The following DNAH8 variants were observed in gnomAD, a reference collection of about 807,000 sequenced individuals.
The protein encoded by DNAH8 is axonemal beta dynein heavy chain 8.
In DNAH8, 382 loss-of-function variants were observed where a neutral mutation model predicts 562.1. The ratio of observed to expected loss-of-function variants is 0.68; its 90% CI spans 0.63 to 0.74. The LOEUF (loss-of-function observed/expected upper bound fraction) is 0.74. Ranked by LOEUF, DNAH8 falls within the 30% of genes least tolerant of loss-of-function variation. The pLI is 0.00. For missense variants in DNAH8, 5,203 were observed against 5,620.4 expected (o/e 0.93, Z 2.37); for synonymous variants, 1,881 against 1,919.4 (o/e 0.98, Z 0.52).
At chr6:38,727,026 T>C (rs1327183705) in intron 3 of DNAH8, among the ~76,000 whole-genome samples, 1 of 151,660 alleles carries the variant, frequency 6.6e-6, no homozygotes, top group East Asian at 1.9e-4. Flanking sequence ...CCCGGCTAAT[T>C]TTTGTATTTT....
intron 81 of DNAH8, among the ~76,000 whole-genome samples, chr6:38,949,855 G>A (rs966751087): frequency 2.6e-5 from 4 of 152,128 alleles, no homozygotes; most frequent in Admixed American, 6.5e-5. Context: ...AGCAAAAAGC[G>A]TGAAAAATAT....
chr6:39,010,128 C>G (rs1766091190), intron 89 of DNAH8, among the ~76,000 whole-genome samples: 1 of 121,458 alleles, frequency 8.2e-6, no homozygotes, highest in African/African-American at 3.4e-5. Flanking sequence ...GACCTTTGTT[C>G]TGGTGATTAT....
intron 29 of DNAH8, 75 bp downstream of exon 29, chr6:38,826,466 T>A: frequency 1.1e-6 from 1 of 913,800 alleles, no homozygotes; most frequent in East Asian, 2.4e-5. Context: ...ACTAAGAAAG[T>A]GATTCTTTAA....
At position 38,741,803 on chromosome 6, in the gene DNAH8, C is replaced by A; in HGVS notation, c.1209C>A (p.Phe403Leu). ...LEHWKRMSAK[F>L]NYIIEQIKGP... ...ACTGGAAACGCATGTCAGCCAAGTT[C>A]AACTATATCATTGAGCAGATTAAAG... The change falls in exon 8 of 93, where the codon TTC becomes TTA. Residue 403 changes from phenylalanine to leucine, a missense_variant. Physicochemically the swap from Phe to Leu is conservative, Grantham distance 22 (BLOSUM62 0). Coordinates refer to ENST00000327475, the MANE Select transcript of DNAH8 (RefSeq NM_001206927.2). 1.2e-6 allele frequency: 2 copies of A among 1,614,050 alleles called. No individual in the cohort carries two copies. The highest frequency in any genetic ancestry group is 1.7e-6 in the Non-Finnish European group (2 of 1,179,988).
At chr6:38,944,796 T>G (rs148333447) in intron 79 of DNAH8, among the ~76,000 whole-genome samples, 1 of 152,200 alleles carries the variant, frequency 6.6e-6, no homozygotes, top group African/African-American at 2.4e-5. Context: ...GGGCGCTCAA[T>G]AAATATTTGT....
chr6:38,909,750 T>A lies in DNAH8; in HGVS notation c.9740+6T>A. 6.2e-7 allele frequency: 1 copy of A among 1,608,684 alleles called. No homozygotes were observed. The highest frequency in any genetic ancestry group is 8.5e-7 in the Non-Finnish European group (1 of 1,175,190). On this transcript the variant is annotated splice_donor_region_variant and intron_variant, in intron 65 of 92. Coordinates refer to ENST00000327475, the MANE Select transcript of DNAH8 (RefSeq NM_001206927.2). ...TGTGAAAGTTATTTCCAAAGGTAAG[T>A]GATATTACATAAGCACCATCGCTAT... is the stretch of plus-strand genomic sequence containing the variant.
intron 27 of DNAH8, 100 bp from the exon 28 acceptor site, chr6:38,823,462 A>T: frequency 3.3e-6 from 3 of 909,880 alleles, no homozygotes; most frequent in East Asian, 4.9e-5. Context: ...CATTGCACAC[A>T]CAAGTGTAAA....
At chr6:38,929,772 ACTTAT>A in intron 75 of DNAH8, 106 bp downstream of exon 75, 2 of 1,088,886 alleles carry the variant, frequency 1.8e-6, no homozygotes, top group East Asian at 2.7e-5. Flanking sequence ...GGTGACATCT[ACTTAT>A]CTTATTGAGC....
rs1401129074 is a variant in DNAH8 at position 38,786,972 on chromosome 6, C to G, written c.2583+20C>G. 6.5e-7 allele frequency: 1 copy of G among 1,535,184 alleles called. No individual in the cohort carries two copies. Among genetic ancestry groups the G allele is most frequent in the Admixed American group, 2.2e-5 (1 of 46,118 alleles). On this transcript the variant is annotated intron_variant, in intron 18 of 92. Coordinates refer to ENST00000327475, the MANE Select transcript of DNAH8 (RefSeq NM_001206927.2). ...TTGCAGGTAAGATAGATTATGTTTT[C>G]TAATTATTTTTGAAGGAGTTTTTTG...
chr6:38,738,103 A>C, intron 7 of DNAH8, 131 bp downstream of exon 7: 1 of 912,394 alleles, frequency 1.1e-6, no homozygotes. Context: ...TTTGAAACTC[A>C]GCCAATTTTT....
Position 39,006,614 on chromosome 6 carries a change from C to T in DNAH8, c.13215-2200C>T, listed in dbSNP as rs903606807. On this transcript the variant is annotated intron_variant, in intron 88 of 92. Transcript: ENST00000327475. ...GACCTGAGTCAAAGGTATATTGTTC[C>T]AGGAAAGAGTTGTGTTTGCTTCCAT... 3.3e-5 allele frequency among the ~76,000 whole-genome samples: 5 copies of T among 152,176 alleles called. 1 individual carries two copies. The highest frequency in any genetic ancestry group is 2.6e-4 in the Admixed American group (4 of 15,276).
At chr6:38,793,357 G>A (rs983676436) in intron 21 of DNAH8, among the ~76,000 whole-genome samples, 2 of 152,052 alleles carry the variant, frequency 1.3e-5, no homozygotes, top group African/African-American at 4.8e-5. Flanking sequence ...GTGTGTTCAA[G>A]TTTAAGATGA....
At chr6:38,823,833 G>T (rs917629769) in intron 28 of DNAH8, 145 bp downstream of exon 28, 5 of 450,048 alleles carry the variant, frequency 1.1e-5, no homozygotes, top group South Asian at 5.2e-5. Context: ...TATAATAATA[G>T]TATTATACCA....
chr6:38,732,538 C>T (rs1238702568), intron 4 of DNAH8, among the ~76,000 whole-genome samples: 1 of 152,136 alleles, frequency 6.6e-6, no homozygotes, highest in African/African-American at 2.4e-5. Context: ...GAGTGGAAAG[C>T]AGTGTTTCGG....
In DNAH8 at chr6:38,909,660, C is replaced by T; in HGVS notation, c.9656C>T (p.Ser3219Phe). 6.2e-7 allele frequency: 1 copy of T among 1,613,988 alleles called. No homozygotes were observed. Among genetic ancestry groups the T allele is most frequent in the Non-Finnish European group, 8.5e-7 (1 of 1,179,892 alleles). Residue 3219 changes from serine to phenylalanine, a missense_variant, in exon 65 of 93, where the codon TCT (serine) becomes TTT (phenylalanine). Transcript: ENST00000327475. The stretch of plus-strand genomic sequence containing the variant: ...CTTTCAGACTATAATATTGTCTGCT[C>T]TAGTGAAATTAAAAGACAAGTTGTA... ...YFLSDYNIVC[S>F]SEIKRQVVET...
intron 56 of DNAH8, among the ~76,000 whole-genome samples, chr6:38,884,788 T>G (rs879905848): frequency 1.3e-5 from 2 of 152,174 alleles, no homozygotes; most frequent in Non-Finnish European, 2.9e-5. Context: ...AACTATTTAT[T>G]TATTTATTTA....
rs935391199 is a variant in DNAH8, at chr6:38,957,876, A to C, written c.12451+6356A>C. Among the ~76,000 whole-genome samples, 7 of 151,316 alleles carry C rather than the reference A, an allele frequency of 4.6e-5. No homozygotes were observed. In the South Asian group the frequency reaches 1.5e-3, roughly 31 times the overall value. ...AATAAATGCCTACACCAAAAAAAAAAAAAAAAAAAAACAAGATCACAAATA... is the reference window on the plus strand; with the variant it reads ...AATAAATGCCTACACCAAAAAAAAACAAAAAAAAAAACAAGATCACAAATA... On this transcript the variant is annotated intron_variant, in intron 82 of 92. Transcript: ENST00000327475.
At chr6:38,968,153 A>G (rs979971268) in intron 82 of DNAH8, among the ~76,000 whole-genome samples, 4 of 152,208 alleles carry the variant, frequency 2.6e-5, no homozygotes, top group Non-Finnish European at 4.4e-5. Context: ...CTCAAAATCA[A>G]TCAGAGACTT....
chr6:38,779,340 T>G (rs1296574197), intron 14 of DNAH8, among the ~76,000 whole-genome samples: 1 of 152,214 alleles, frequency 6.6e-6, no homozygotes, highest in East Asian at 1.9e-4. Context: ...AGGTACCATT[T>G]TCTTGGCGAC....
Sources: gnomAD v4.1 joint callset for allele counts (sites outside exome capture counted in the v4.1 genomes callset) on GRCh38, gnomAD v4.1.1 for gene constraint, MANE v1.5 for transcripts, NCBI Gene and HGNC (gene_info 2026-07-23, HGNC 2026-07-21) for gene names.